The following SERGEF variants were observed in gnomAD, a reference collection of about 807,000 sequenced individuals.
SERGEF encodes the protein secretion-regulating guanine nucleotide exchange factor.
Under a neutral mutation model 50.0 loss-of-function variants are expected in SERGEF, and 51 were observed. The ratio of observed to expected loss-of-function variants is 1.02; its 90% CI spans 0.81 to 1.29. The LOEUF (loss-of-function observed/expected upper bound fraction) is 1.29, where lower values mean the gene tolerates loss of function less well. Ranked by LOEUF, SERGEF falls within the 50% of genes most tolerant of loss-of-function variation. SERGEF has a pLI of 0.00. For synonymous variants in SERGEF, 205 were observed against 212.4 expected, an observed-to-expected ratio of 0.97 and a Z score of 0.30; for missense variants, 521 against 557.0, an observed-to-expected ratio of 0.94 and a Z score of 0.65.
At chr11:17,912,882 C>G (rs2133931755) in intron 9 of SERGEF, among the ~76,000 whole-genome samples, 1 of 152,324 alleles carries the variant, frequency 6.6e-6, no homozygotes, top group Middle Eastern at 3.4e-3. Context: ...TTACCCTATC[C>G]TAGCCCCAGT....
At chr11:17,908,319 G>T (rs1315994924) in intron 9 of SERGEF, among the ~76,000 whole-genome samples, 1 of 152,078 alleles carries the variant, frequency 6.6e-6, no homozygotes, top group Non-Finnish European at 1.5e-5. Flanking sequence ...TGAATGTGCA[G>T]CTTTGGATCT....
At chr11:18,010,494 C>G (rs12273117) in intron 1 of SERGEF, among the ~76,000 whole-genome samples, 4 of 152,128 alleles carry the variant, frequency 2.6e-5, no homozygotes, top group African/African-American at 9.7e-5. Context: ...TGATGCCCTG[C>G]ACCTTTTACT....
chr11:17,941,380 C>T (rs1044706863), intron 9 of SERGEF, among the ~76,000 whole-genome samples: 12 of 152,198 alleles, frequency 7.9e-5, no homozygotes, highest in African/African-American at 1.2e-4. Flanking sequence ...CAGGATCATA[C>T]AGTATCTGTC....
chr11:17,986,083 C>G (rs1253125199), intron 8 of SERGEF, among the ~76,000 whole-genome samples: 1 of 152,166 alleles, frequency 6.6e-6, no homozygotes, highest in Non-Finnish European at 1.5e-5. Context: ...ATTCCAGGAA[C>G]AATTCACCAC....
At chr11:17,920,248 A>AAAAC (rs755360390) in intron 9 of SERGEF, among the ~76,000 whole-genome samples, 2 of 152,172 alleles carry the variant, frequency 1.3e-5, no homozygotes, top group African/African-American at 2.4e-5. Context: ...CTCTGTCTCA[A>AAAAC]AAACAAACAA....
At chr11:17,932,093 G>T (rs897905001) in intron 9 of SERGEF, among the ~76,000 whole-genome samples, 9 of 152,164 alleles carry the variant, frequency 5.9e-5, no homozygotes, top group Non-Finnish European at 1.0e-4. Flanking sequence ...GGAAGAGAAA[G>T]AAATGCTGTG....
intron 1 of SERGEF, chr11:18,012,662 C>A: frequency 1.7e-6 from 2 of 1,171,392 alleles, no homozygotes; most frequent in Non-Finnish European, 2.2e-6. Flanking sequence ...GGAGGGCTCT[C>A]GCGGAACCAG....
intron 9 of SERGEF, among the ~76,000 whole-genome samples, chr11:17,949,734 G>A (rs1852738682): frequency 6.6e-6 from 1 of 152,086 alleles, no homozygotes; most frequent in South Asian, 2.1e-4. Flanking sequence ...GGGCAGGGGA[G>A]GTAAAGGGAG....
chr11:17,839,331 G>C (rs1850458404), intron 10 of SERGEF, among the ~76,000 whole-genome samples: 1 of 152,178 alleles, frequency 6.6e-6, no homozygotes, highest in African/African-American at 2.4e-5. Flanking sequence ...GACACCATCA[G>C]AGACACACTT....
intron 10 of SERGEF, among the ~76,000 whole-genome samples, chr11:17,857,900 CAAAG>C (rs766835479): frequency 5.9e-5 from 9 of 152,060 alleles, no homozygotes; most frequent in Non-Finnish European, 1.2e-4. Context: ...TGTAAAGGAA[CAAAG>C]AAAGTATGAA....
intron 4 of SERGEF, chr11:18,002,078 T>C (rs540087776): frequency 3.3e-5 from 15 of 455,288 alleles, no homozygotes; most frequent in African/African-American, 2.6e-4. Context: ...GAGTCCACAA[T>C]CACATTAGCT....
At chr11:17,876,543 G>A (rs1201790695) in intron 10 of SERGEF, among the ~76,000 whole-genome samples, 1 of 152,228 alleles carries the variant, frequency 6.6e-6, no homozygotes, top group Non-Finnish European at 1.5e-5. Context: ...AAGGCGGAAT[G>A]ATTACCCCCA....
At chr11:17,893,834 C>T (rs900572590) in intron 9 of SERGEF, among the ~76,000 whole-genome samples, 1 of 152,186 alleles carries the variant, frequency 6.6e-6, no homozygotes, top group Non-Finnish European at 1.5e-5. Flanking sequence ...ACCAGTGTTC[C>T]TCCAGCAAGA....
intron 10 of SERGEF, among the ~76,000 whole-genome samples, chr11:17,845,413 A>ATTTG (rs1174898556): frequency 1.3e-5 from 2 of 152,222 alleles, no homozygotes; most frequent in Non-Finnish European, 2.9e-5. Context: ...AGCCAAGTGC[A>ATTTG]GAAAGGGTTC....
intron 9 of SERGEF, among the ~76,000 whole-genome samples, chr11:17,895,493 C>A (rs991225012): frequency 5.9e-5 from 9 of 152,222 alleles, no homozygotes; most frequent in African/African-American, 2.2e-4. Context: ...TCCCCAGGGG[C>A]AGCTTGCTAG....
chr11:17,982,182 C>T (rs1853508386), intron 8 of SERGEF, among the ~76,000 whole-genome samples: 1 of 152,162 alleles, frequency 6.6e-6, no homozygotes, highest in African/African-American at 2.4e-5. Context: ...GTCGTCCACA[C>T]TTCCTCATCA....
intron 9 of SERGEF, among the ~76,000 whole-genome samples, chr11:17,919,945 T>TAAAAAAAAA (rs58325345): frequency 8.7e-6 from 1 of 114,346 alleles, no homozygotes; most frequent in Non-Finnish European, 1.8e-5. Flanking sequence ...AAACTCCATC[T>TAAAAAAAAA]AAAAAAAAAA....
chr11:17,952,214 C>A (rs1251970704), intron 9 of SERGEF, among the ~76,000 whole-genome samples: 1 of 152,184 alleles, frequency 6.6e-6, no homozygotes, highest in Non-Finnish European at 1.5e-5. Flanking sequence ...CAGTATTGGG[C>A]AGCAAGTTTG....
intron 9 of SERGEF, among the ~76,000 whole-genome samples, chr11:17,912,255 T>A (rs1029501035): frequency 2.0e-5 from 3 of 152,114 alleles, no homozygotes; most frequent in African/African-American, 4.8e-5. Context: ...TTCTAAAAAG[T>A]TAGATGCCAG....
Sources: gnomAD v4.1 joint callset for allele counts (sites outside exome capture counted in the v4.1 genomes callset) on GRCh38, gnomAD v4.1.1 for gene constraint, MANE v1.5 for transcripts, NCBI Gene and HGNC (gene_info 2026-07-23, HGNC 2026-07-21) for gene names.